GNG7: variants seen among roughly 807,000 people sequenced by gnomAD.
GNG7 encodes the protein guanine nucleotide-binding protein G(I)/G(S)/G(O) subunit gamma-7.
Under a neutral mutation model 4.0 loss-of-function variants are expected in GNG7, and 1 was observed. The observed-to-expected ratio is 0.25, with a 90% CI of 0.09 to 1.18. The LOEUF is 1.18. Ranked by LOEUF, GNG7 falls within the 50% of genes most tolerant of loss-of-function variation. The pLI, the probability that GNG7 is intolerant of heterozygous loss-of-function variation, is 0.50. For missense variants in GNG7, 86 were observed against 91.9 expected, an observed-to-expected ratio of 0.94 and a Z score of 0.26; for synonymous variants, 34 against 36.9, an observed-to-expected ratio of 0.92 and a Z score of 0.29.
chr19:2,516,320 G>A (rs1599368430), intron 4 of GNG7, among the ~76,000 whole-genome samples: 1 of 151,964 alleles, frequency 6.6e-6, no homozygotes, highest in African/African-American at 2.4e-5. Context: ...TGCTCCCCGG[G>A]TTCAAGCAAT....
At chr19:2,568,713 C>A (rs897302497) in intron 2 of GNG7, among the ~76,000 whole-genome samples, 1 of 139,752 alleles carries the variant, frequency 7.2e-6, no homozygotes, top group Non-Finnish European at 1.6e-5. Flanking sequence ...TATAGACACA[C>A]ATATACACAT....
chr19:2,603,322 C>T lies in GNG7; in HGVS notation c.-78+42902G>A, dbSNP rs192795473. Among the ~76,000 whole-genome samples, 162 of 152,368 alleles carry T rather than the reference C, an allele frequency of 1.1e-3. 1 individual carries two copies. Among genetic ancestry groups the T allele is most frequent in the East Asian group, 6.7e-3 (35 of 5,190 alleles). On this transcript the variant is annotated intron_variant, in intron 2 of 4. Transcript: ENST00000382159. ...CCTCGTGATCCACCCGCCTCGGCCT[C>T]CCAAAGTGCTAGGATTACAGGCGTG...
intron 2 of GNG7, among the ~76,000 whole-genome samples, chr19:2,587,873 A>C (rs1295787310): frequency 6.6e-6 from 1 of 150,684 alleles, no homozygotes; most frequent in Non-Finnish European, 1.5e-5. Flanking sequence ...GAAGGAAGGA[A>C]GGAAGGAAGG....
At chr19:2,697,866 G>T (rs750107876) in intron 1 of GNG7, among the ~76,000 whole-genome samples, 101 of 152,128 alleles carry the variant, frequency 6.6e-4, no homozygotes, top group Non-Finnish European at 1.2e-3. Flanking sequence ...AAGCTACTCG[G>T]GAGGCTGGGG....
At chr19:2,594,995 C>G (rs1980970496) in intron 2 of GNG7, 1 of 151,972 alleles carries the variant, frequency 6.6e-6, no homozygotes, top group Non-Finnish European at 1.5e-5. Context: ...TGGCACGTAC[C>G]TGTAGTCCCA....
intron 2 of GNG7, among the ~76,000 whole-genome samples, chr19:2,597,952 G>C (rs1431070566): frequency 6.6e-6 from 1 of 151,878 alleles, no homozygotes; most frequent in Non-Finnish European, 1.5e-5. Context: ...GCTCAGGACT[G>C]CCAATGTACA....
rs1020936439 is a variant in GNG7 at position 2,513,660 on chromosome 19, G to T, written c.*1362C>A. 2.1e-5 allele frequency: 16 copies of T among 752,156 alleles called. No individual in the cohort carries two copies. In the Admixed American group the frequency reaches 6.3e-4, roughly 29 times the overall value. The allele number at this position is 752,156 out of a possible 1,614,324, so 46.6% of individuals were successfully genotyped here. A position where few individuals can be genotyped will look rare whatever the true frequency, so the allele number is the denominator to read the frequency against. ...AAAAAGATCGGGTTCGAGCGACAGG[G>T]TAACGTTTTGAGCGGACGTTTTGAT... On this transcript the variant is annotated 3_prime_UTR_variant, in exon 5 of 5. Coordinates refer to ENST00000382159, the MANE Select transcript of GNG7 (RefSeq NM_052847.3).
intron 2 of GNG7, among the ~76,000 whole-genome samples, chr19:2,621,554 G>A (rs1021168732): frequency 7.2e-4 from 110 of 152,042 alleles, no homozygotes; most frequent in African/African-American, 2.5e-3. Context: ...AAAGTTAGCC[G>A]GGCGTGTTGG....
intron 2 of GNG7, among the ~76,000 whole-genome samples, chr19:2,615,627 T>C (rs1183280243): frequency 6.6e-6 from 1 of 150,660 alleles, no homozygotes; most frequent in African/African-American, 2.4e-5. Context: ...CACGCCTGGC[T>C]AATTTTTTTG....
rs576255183 is a variant in GNG7 at position 2,579,527 on chromosome 19, T to C, written c.-77-24339A>G. ...CACAGCCCTGGAGGCTGGGAATCCT[T>C]GAGCGTTTTCCTCTGAGGTCTCCAA... On this transcript the variant is annotated intron_variant, in intron 2 of 4. Coordinates refer to ENST00000382159, the MANE Select transcript of GNG7 (RefSeq NM_052847.3). Among the ~76,000 whole-genome samples the C allele has an allele frequency of 4.9e-3, 752 of 152,322 alleles. 29 individuals carry two copies. Among genetic ancestry groups the C allele is most frequent in the Non-Finnish European group, 1.4e-3 (95 of 68,012 alleles).
At chr19:2,650,604 C>T (rs542743685) in intron 1 of GNG7, among the ~76,000 whole-genome samples, 5 of 152,312 alleles carry the variant, frequency 3.3e-5, no homozygotes, top group Admixed American at 2.0e-4. Context: ...GGCAGTGAGG[C>T]GATCCCTGCG....
intron 3 of GNG7, among the ~76,000 whole-genome samples, chr19:2,540,313 C>A (rs1203922770): frequency 6.6e-6 from 1 of 151,886 alleles, no homozygotes; most frequent in Non-Finnish European, 1.5e-5. Context: ...ACCATGCCCC[C>A]CTAATTTTTT....
chr19:2,594,162 G>A (rs1980938063), intron 2 of GNG7, among the ~76,000 whole-genome samples: 1 of 152,082 alleles, frequency 6.6e-6, no homozygotes, highest in Non-Finnish European at 1.5e-5. Flanking sequence ...CCTGAGCTCA[G>A]GAGTTCGAGA....
chr19:2,634,570 C>T lies in GNG7; in HGVS notation c.-78+11654G>A, dbSNP rs973583366. ...GGCAGAGCCCCTGATTTCGGCACAG[C>T]GCCCCGTAATTACTTGCGGGCTGCA... On this transcript the variant is annotated intron_variant, in intron 2 of 4. Coordinates refer to ENST00000382159, the MANE Select transcript of GNG7 (RefSeq NM_052847.3). The surrounding 1 kb of genome is among the most constrained non-coding windows in gnomAD (Gnocchi z 5.3). Among the ~76,000 whole-genome samples the T allele has an allele frequency of 7.2e-5, 11 of 152,050 alleles. No individual in the cohort carries two copies. The highest frequency in any genetic ancestry group is 4.2e-4 in the South Asian group (2 of 4,816).
intron 2 of GNG7, among the ~76,000 whole-genome samples, chr19:2,638,823 G>C (rs1256292804): frequency 6.6e-6 from 1 of 152,162 alleles, no homozygotes; most frequent in Non-Finnish European, 1.5e-5. Flanking sequence ...TAAATTTCAA[G>C]TAGTTCAGAA....
At chr19:2,602,418 C>G (rs1465482329) in intron 2 of GNG7, among the ~76,000 whole-genome samples, 1 of 152,228 alleles carries the variant, frequency 6.6e-6, no homozygotes, top group African/African-American at 2.4e-5. Context: ...TGTACCCACC[C>G]CCTCCTGCAC....
At position 2,540,989 on chromosome 19, in the gene GNG7, G is replaced by C. The variant is rs978950738; in HGVS notation, c.-38+14160C>G. 7.9e-5 allele frequency among the ~76,000 whole-genome samples: 12 copies of C among 152,378 alleles called. No homozygotes were observed. In the South Asian group the frequency reaches 1.7e-3, roughly 21 times the overall value. On this transcript the variant is annotated intron_variant, in intron 3 of 4. Coordinates refer to ENST00000382159, the MANE Select transcript of GNG7 (RefSeq NM_052847.3). The stretch of plus-strand genomic sequence containing the variant: ...GGGAGAGAGCATGCAGCCGGTGGAG[G>C]CTTCTGAGAGCTGGCCGGGGCGGCC...
intron 3 of GNG7, among the ~76,000 whole-genome samples, chr19:2,521,091 T>C (rs1157725639): frequency 7.1e-6 from 1 of 141,568 alleles, no homozygotes; most frequent in Non-Finnish European, 1.5e-5. Context: ...TCATCGTTAC[T>C]AAAAAAAAAA....
chr19:2,522,300 G>A (rs2144729561), intron 3 of GNG7, among the ~76,000 whole-genome samples: 1 of 152,210 alleles, frequency 6.6e-6, no homozygotes, highest in South Asian at 2.1e-4. Flanking sequence ...CAGGGGCAGG[G>A]GCCAGGTTCA....
Sources: gnomAD v4.1 joint callset for allele counts (sites outside exome capture counted in the v4.1 genomes callset) on GRCh38, gnomAD v4.1.1 for gene constraint, Gnocchi (gnomAD v3.1) non-coding constraint, MANE v1.5 for transcripts, NCBI Gene and HGNC (gene_info 2026-07-23, HGNC 2026-07-21) for gene names.